Variants in CSNK1G2 observed in about 807,000 individuals in gnomAD.
CSNK1G2 encodes casein kinase 1 gamma 2.
A neutral mutation model predicts 48.0 loss-of-function variants in CSNK1G2; 11 were observed. That is an observed-to-expected ratio of 0.23 (90% confidence interval 0.14 to 0.38). The LOEUF (loss-of-function observed/expected upper bound fraction) is 0.38, where lower values mean the gene tolerates loss of function less well. Among genes scored for constraint, CSNK1G2 ranks in the 10% least tolerant of loss-of-function variants. The probability of loss-of-function intolerance (pLI) is 1.00; values close to 1 mark genes in which losing one functional copy is unlikely to be tolerated. For missense variants in CSNK1G2, 446 were observed against 595.5 expected, an observed-to-expected ratio of 0.75 and a Z score of 2.61; for synonymous variants, 337 against 254.1, an observed-to-expected ratio of 1.33 and a Z score of -3.10.
chr19:1,967,336 C>T lies in CSNK1G2; in HGVS notation c.-265-2172C>T, dbSNP rs566805371. 2.4e-4 allele frequency among the ~76,000 whole-genome samples: 36 copies of T among 152,294 alleles called. No individual in the cohort carries two copies. In the South Asian group the frequency reaches 6.0e-3, roughly 25 times the overall value. On this transcript the variant is annotated intron_variant, in intron 1 of 11. Transcript: ENST00000255641. Reference sequence around the variant, plus strand: ...TGCACCCACGGCCCCTCTTCACCCGCGGCCCCTACGTCCTGCCGGTTGGCA... The same window carrying T: ...TGCACCCACGGCCCCTCTTCACCCGTGGCCCCTACGTCCTGCCGGTTGGCA...
At chr19:1,959,298 T>G (rs992878313) in intron 1 of CSNK1G2, 12 of 152,246 alleles carry the variant, frequency 7.9e-5, no homozygotes, top group African/African-American at 2.7e-4. Flanking sequence ...TCCCTCTCAG[T>G]GGCCTGTGAG....
intron 1 of CSNK1G2, among the ~76,000 whole-genome samples, chr19:1,965,015 C>T (rs545905793): frequency 8.6e-5 from 13 of 150,798 alleles, no homozygotes; most frequent in South Asian, 8.4e-4. Flanking sequence ...TGTGAGCCAC[C>T]GCGCCTGGCC....
At chr19:1,966,695 A>G (rs2015374992) in intron 1 of CSNK1G2, among the ~76,000 whole-genome samples, 1 of 152,120 alleles carries the variant, frequency 6.6e-6, no homozygotes, top group African/African-American at 2.4e-5. Flanking sequence ...GGAAGAGTCC[A>G]TCGCTGTGGC....
chr19:1,950,722 C>T (rs1023137038), intron 1 of CSNK1G2, among the ~76,000 whole-genome samples: 1 of 145,232 alleles, frequency 6.9e-6, no homozygotes, highest in Non-Finnish European at 1.5e-5. Flanking sequence ...TCTCGTGCCC[C>T]AGAGGCCACC....
At chr19:1,955,205 T>C (rs2014941021) in intron 1 of CSNK1G2, among the ~76,000 whole-genome samples, 1 of 151,818 alleles carries the variant, frequency 6.6e-6, no homozygotes, top group Non-Finnish European at 1.5e-5. Context: ...GAGTGGCGGC[T>C]CTTGTTTGTG....
intron 1 of CSNK1G2, among the ~76,000 whole-genome samples, chr19:1,952,216 G>A (rs1428591103): frequency 1.3e-5 from 2 of 152,234 alleles, no homozygotes; most frequent in Non-Finnish European, 2.9e-5. Flanking sequence ...AGGGCTGGAC[G>A]AGGGCCCAGG....
chr19:1,963,983 A>T (rs1426244052), intron 1 of CSNK1G2, among the ~76,000 whole-genome samples: 1 of 150,970 alleles, frequency 6.6e-6, no homozygotes, highest in Non-Finnish European at 1.5e-5. Context: ...TGCCCAGCTA[A>T]TTTTTGTATT....
In CSNK1G2 at chr19:1,958,264, C is replaced by T. The variant is rs760407683; in HGVS notation, c.-265-11244C>T. On this transcript the variant is annotated intron_variant, in intron 1 of 11. Coordinates refer to ENST00000255641, the MANE Select transcript of CSNK1G2 (RefSeq NM_001319.7). ...TTCCTTCTCGGTGGTTCCCAGAGGC[C>T]GCTGGGCCTCGCTTCGTCCTTTTTG... 2.3e-4 allele frequency among the ~76,000 whole-genome samples: 34 copies of T among 149,358 alleles called. 1 individual carries two copies. Among genetic ancestry groups the T allele is most frequent in the Admixed American group, 1.4e-3 (21 of 15,076 alleles).
At chr19:1,952,278 T>C (rs910035515) in intron 1 of CSNK1G2, among the ~76,000 whole-genome samples, 1 of 151,134 alleles carries the variant, frequency 6.6e-6, no homozygotes, top group Non-Finnish European at 1.5e-5. Flanking sequence ...CTGTGAGCAC[T>C]GATGATGCCC....
At position 1,953,024 on chromosome 19, in the gene CSNK1G2, A is replaced by AT. The variant is rs894888230; in HGVS notation, c.-266+11606_-266+11607insT. On this transcript the variant is annotated intron_variant, in intron 1 of 11. Coordinates refer to ENST00000255641, the MANE Select transcript of CSNK1G2 (RefSeq NM_001319.7). Reference sequence around the variant, plus strand: ...AGCGAGACTCCGTCTGAAAAAAAAAACAAAGGAAATGTAGAAACGCAGCCC... The same window carrying AT: ...AGCGAGACTCCGTCTGAAAAAAAAAATCAAAGGAAATGTAGAAACGCAGCCC... The AT allele has an allele frequency of 9.8e-6, 4 of 407,056 alleles. No homozygotes were observed. The Admixed American group carries it at 1.2e-4, about 12-fold the overall frequency. The allele number at this position is 407,056 out of a possible 1,614,324, so 25.2% of individuals were successfully genotyped here. A position where few individuals can be genotyped will look rare whatever the true frequency, so the allele number is the denominator to read the frequency against.
chr19:1,978,153 GGCTGGGCCCAGGCCCTGCT>G lies in CSNK1G2; in HGVS notation c.188-144_188-126del. ...CAGGCCATGGTGCAGTGCTCTGGCA[GGCTGGGCCCAGGCCCTGCT>G]GCTGGGCAGTGGTGTCATTTGGAGG... On this transcript the variant is annotated intron_variant, in intron 2 of 11. Coordinates refer to ENST00000255641, the MANE Select transcript of CSNK1G2 (RefSeq NM_001319.7). This position sits in a 1 kb window ranked among gnomAD's most constrained non-coding sequence, Gnocchi z 7.3. 1.3e-6 allele frequency: 1 copy of G among 788,598 alleles called. No homozygotes were observed. The highest frequency in any genetic ancestry group is 2.2e-6 in the Non-Finnish European group (1 of 464,572). The allele number at this position is 788,598 out of a possible 1,614,324, so 48.9% of individuals were successfully genotyped here. A position where few individuals can be genotyped will look rare whatever the true frequency, so the allele number is the denominator to read the frequency against.
Position 1,944,887 on chromosome 19 carries a change from C to T in CSNK1G2, c.-266+3469C>T, listed in dbSNP as rs113797848. On this transcript the variant is annotated intron_variant, in intron 1 of 11. Transcript: ENST00000255641. ...GGCCCAGTGAGCCTCCTCCCTTTGC[C>T]GGGTCCTCCTGTAGTGGGGCAGGAA... 1.5e-3 allele frequency among the ~76,000 whole-genome samples: 233 copies of T among 152,304 alleles called. 2 individuals carry two copies. Among genetic ancestry groups the T allele is most frequent in the African/African-American group, 5.4e-3 (225 of 41,570 alleles).
intron 1 of CSNK1G2, among the ~76,000 whole-genome samples, chr19:1,967,479 C>T (rs2015399840): frequency 6.6e-6 from 1 of 151,886 alleles, no homozygotes; most frequent in Admixed American, 6.6e-5. Context: ...GTGGCTGGGG[C>T]CTGGGTCAGG....
chr19:1,978,290 T>G lies in CSNK1G2; in HGVS notation c.188-15T>G, dbSNP rs1359951641. On this transcript the variant is annotated splice_polypyrimidine_tract_variant and intron_variant, in intron 2 of 11. Transcript: ENST00000255641. This position sits in a 1 kb window ranked among gnomAD's most constrained non-coding sequence, Gnocchi z 7.3. Reference sequence around the variant, plus strand: ...GGCCCTGCGCTGGCGGTGCTGATGGTCTCTGTCCCCGCAGGAAAGAATCTC... The same window carrying G: ...GGCCCTGCGCTGGCGGTGCTGATGGGCTCTGTCCCCGCAGGAAAGAATCTC... 6.2e-7 allele frequency: 1 copy of G among 1,613,104 alleles called. No individual in the cohort carries two copies. The highest frequency in any genetic ancestry group is 8.5e-7 in the Non-Finnish European group (1 of 1,179,772).
Position 1,980,248 on chromosome 19 carries a change from T to TG in CSNK1G2, c.*49dup. 1.9e-6 allele frequency: 3 copies of TG among 1,608,984 alleles called. No homozygotes were observed. The highest frequency in any genetic ancestry group is 1.7e-6 in the Non-Finnish European group (2 of 1,176,970). ...CCTGAATCTTCTCCGTGCAGCCCCT[T>TG]GGGGCGCGACCTTGTGCGAGGCCCT... On this transcript the variant is annotated 3_prime_UTR_variant, in exon 12 of 12. Transcript: ENST00000255641.
intron 8 of CSNK1G2, 35 bp from the exon 9 acceptor site, chr19:1,979,460 C>A (rs1568207086): frequency 6.8e-7 from 1 of 1,461,594 alleles, no homozygotes; most frequent in Non-Finnish European, 9.2e-7. Flanking sequence ...CCCACCCCCA[C>A]CCCCGCCGAG....
At chr19:1,967,351 G>T (rs915745713) in intron 1 of CSNK1G2, among the ~76,000 whole-genome samples, 6 of 152,148 alleles carry the variant, frequency 3.9e-5, no homozygotes, top group Admixed American at 3.9e-4. Flanking sequence ...CCTACGTCCT[G>T]CCGGTTGGCA....
At chr19:1,959,039 G>A (rs566343910) in intron 1 of CSNK1G2, among the ~76,000 whole-genome samples, 3 of 150,026 alleles carry the variant, frequency 2.0e-5, no homozygotes, top group African/African-American at 4.9e-5. Context: ...CCCAGGGTGC[G>A]AGTTGGTTTT....
rs1037559296 is a variant in CSNK1G2 at position 1,957,032 on chromosome 19, G to GC, written c.-265-12470dup. On this transcript the variant is annotated intron_variant, in intron 1 of 11. Transcript: ENST00000255641. This position sits in a 1 kb window ranked among gnomAD's most constrained non-coding sequence, Gnocchi z 5.4. ...CTGCAGAGGGAAGGCTGGTGGTGGC[G>GC]CCCCCCTTCGACGGTCGTGCCCTGA... is the stretch of plus-strand genomic sequence containing the variant. Among the ~76,000 whole-genome samples the GC allele has an allele frequency of 2.7e-4, 41 of 152,154 alleles. No homozygotes were observed. The highest frequency in any genetic ancestry group is 8.5e-4 in the Admixed American group (13 of 15,274).
Sources: gnomAD v4.1 joint callset for allele counts (sites outside exome capture counted in the v4.1 genomes callset) on GRCh38, gnomAD v4.1.1 for gene constraint, Gnocchi (gnomAD v3.1) non-coding constraint, MANE v1.5 for transcripts, NCBI Gene and HGNC (gene_info 2026-07-23, HGNC 2026-07-21) for gene names.